The following GBE1 variants were observed in gnomAD, a reference collection of about 807,000 sequenced individuals.
GBE1 encodes the protein 1,4-alpha-glucan-branching enzyme.
In GBE1, 70 loss-of-function variants were observed where a neutral mutation model predicts 88.8. The observed-to-expected ratio is 0.79, with a 90% CI of 0.65 to 0.96. The LOEUF (loss-of-function observed/expected upper bound fraction) is 0.96, where lower values mean the gene tolerates loss of function less well. Among genes scored for constraint, GBE1 ranks in the 40% least tolerant of loss-of-function variants. GBE1 has a pLI of 0.00. For synonymous variants in GBE1, 284 were observed against 300.1 expected, an observed-to-expected ratio of 0.95 and a Z score of 0.56; for missense variants, 872 against 871.0, an observed-to-expected ratio of 1.00 and a Z score of -0.01.
At chr3:81,742,191 T>G (rs1383026180) in intron 1 of GBE1, among the ~76,000 whole-genome samples, 1 of 152,042 alleles carries the variant, frequency 6.6e-6, no homozygotes, top group Non-Finnish European at 1.5e-5. Flanking sequence ...TAATTCATAT[T>G]CATTTGGGAT....
chr3:81,712,343 A>G (rs1281539026), intron 1 of GBE1, among the ~76,000 whole-genome samples: 1 of 152,234 alleles, frequency 6.6e-6, no homozygotes, highest in African/African-American at 2.4e-5. Context: ...CTATAGACAC[A>G]TGCACATGTA....
rs1391151000 is a variant in GBE1 at position 81,593,922 on chromosome 3, T to C, written c.1094A>G (p.His365Arg). The C allele has an allele frequency of 5.2e-6, 8 of 1,551,352 alleles. No homozygotes were observed. The East Asian group carries it at 1.9e-4, about 36-fold the overall frequency. ...AGGTTACCTACCCACTCCATGGTGATGATAAAGCATGGACGTAACACCATC... is the reference window on the plus strand; with the variant it reads ...AGGTTACCTACCCACTCCATGGTGACGATAAAGCATGGACGTAACACCATC... Reference protein sequence around the residue: ...RFDGVTSMLYHHHGVGQGFSG... With the variant: ...RFDGVTSMLYRHHGVGQGFSG... The change falls in exon 8 of 16, where the codon CAT (histidine) becomes CGT (arginine). Residue 365 changes from histidine (H) to arginine (R), a missense_variant. Coordinates refer to ENST00000429644, the MANE Select transcript of GBE1 (RefSeq NM_000158.4).
intron 1 of GBE1, chr3:81,743,521 A>G: frequency 7.1e-7 from 1 of 1,408,002 alleles, no homozygotes; most frequent in South Asian, 1.2e-5. Context: ...ACAGGCAAAG[A>G]CCAACTCAAA....
chr3:81,675,164 T>A (rs920272177), intron 2 of GBE1, among the ~76,000 whole-genome samples: 3 of 152,046 alleles, frequency 2.0e-5, no homozygotes, highest in Non-Finnish European at 4.4e-5. Flanking sequence ...CCTAGTTAAA[T>A]TGATGTGTTT....
intron 6 of GBE1, among the ~76,000 whole-genome samples, chr3:81,644,893 C>A (rs11707026): frequency 0.3 from 44,923 of 151,770 alleles, 6,847 homozygotes; most frequent in East Asian, 0.44. Flanking sequence ...TAATAGCTAG[C>A]GTGTAGGGAG....
intron 2 of GBE1, among the ~76,000 whole-genome samples, chr3:81,671,323 G>A (rs1705186661): frequency 1.3e-5 from 2 of 151,950 alleles, no homozygotes; most frequent in Admixed American, 1.3e-4. Context: ...TACATGCCAT[G>A]GTAGAAAAAT....
intron 8 of GBE1, among the ~76,000 whole-genome samples, chr3:81,592,060 T>C (rs948766223): frequency 1.3e-5 from 2 of 152,156 alleles, no homozygotes; most frequent in Non-Finnish European, 2.9e-5. Context: ...AGGTACTGAT[T>C]TGATATTGGC....
intron 3 of GBE1, among the ~76,000 whole-genome samples, chr3:81,653,507 A>T (rs1704880929): frequency 6.6e-6 from 1 of 152,148 alleles, no homozygotes; most frequent in Admixed American, 6.6e-5. Context: ...TAAAGCTAAA[A>T]GAAAAAAGTA....
At chr3:81,574,561 C>A (rs1703619213) in intron 12 of GBE1, among the ~76,000 whole-genome samples, 1 of 152,074 alleles carries the variant, frequency 6.6e-6, no homozygotes. Flanking sequence ...ATTCATAAAC[C>A]ATGTATTTGT....
At chr3:81,623,417 A>AT (rs1218679596) in intron 7 of GBE1, among the ~76,000 whole-genome samples, 1 of 152,198 alleles carries the variant, frequency 6.6e-6, no homozygotes, top group African/African-American at 2.4e-5. Flanking sequence ...ACTTTACAAC[A>AT]TAACACTGAA....
At chr3:81,545,310 T>C (rs1166091780) in intron 12 of GBE1, among the ~76,000 whole-genome samples, 1 of 152,160 alleles carries the variant, frequency 6.6e-6, no homozygotes, top group Non-Finnish European at 1.5e-5. Flanking sequence ...ACATCTAATG[T>C]TTCTCTGTCA....
intron 7 of GBE1, among the ~76,000 whole-genome samples, chr3:81,619,553 GA>G (rs1704297949): frequency 6.6e-6 from 1 of 151,998 alleles, no homozygotes; most frequent in Admixed American, 6.6e-5. Context: ...TTAATCAAGA[GA>G]AAATAAAATG....
chr3:81,673,995 T>C (rs186908468), intron 2 of GBE1, among the ~76,000 whole-genome samples: 9 of 151,902 alleles, frequency 5.9e-5, no homozygotes, highest in African/African-American at 2.2e-4. Flanking sequence ...AGATTTCATA[T>C]GGGAGAGAAA....
intron 15 of GBE1, among the ~76,000 whole-genome samples, chr3:81,498,146 T>C (rs1212357293): frequency 1.3e-5 from 2 of 152,170 alleles, no homozygotes; most frequent in Non-Finnish European, 2.9e-5. Flanking sequence ...TAATCCCTGC[T>C]CTTTTCAATG....
intron 1 of GBE1, among the ~76,000 whole-genome samples, chr3:81,756,855 T>C (rs994101239): frequency 6.6e-6 from 1 of 152,198 alleles, no homozygotes; most frequent in Non-Finnish European, 1.5e-5. Flanking sequence ...TGTCACACTT[T>C]CCAGCTGATA....
intron 7 of GBE1, among the ~76,000 whole-genome samples, chr3:81,626,678 T>C (rs1704420891): frequency 6.7e-6 from 1 of 149,172 alleles, no homozygotes; most frequent in African/African-American, 2.5e-5. Context: ...AGAAAAAGGA[T>C]GTCAAGATGA....
At chr3:81,572,999 T>C (rs1004603015) in intron 12 of GBE1, among the ~76,000 whole-genome samples, 1 of 152,160 alleles carries the variant, frequency 6.6e-6, no homozygotes, top group Non-Finnish European at 1.5e-5. Flanking sequence ...CTGAGTAAAA[T>C]ACATTCACTG....
At chr3:81,578,180 A>AATAGAAC in intron 11 of GBE1, 84 bp from the exon 12 acceptor site, 1 of 919,146 alleles carries the variant, frequency 1.1e-6, no homozygotes, top group Non-Finnish European at 1.6e-6. Flanking sequence ...GCATGGTTAC[A>AATAGAAC]AATGTTAGGA....
intron 12 of GBE1, among the ~76,000 whole-genome samples, chr3:81,559,854 T>A (rs900152093): frequency 5.3e-5 from 8 of 151,982 alleles, no homozygotes; most frequent in Non-Finnish European, 1.2e-4. Context: ...GACTAATGAA[T>A]AACAAAACAG....
Sources: allele counts gnomAD v4.1 joint callset (sites outside exome capture counted in the v4.1 genomes callset), GRCh38; gene constraint gnomAD v4.1.1; transcripts MANE v1.5; gene names NCBI Gene and HGNC (gene_info 2026-07-23, HGNC 2026-07-21).